SLX4: variants seen among roughly 807,000 people sequenced by gnomAD.
SLX4 encodes SLX4 structure-specific endonuclease subunit.
SLX4 carries 112 observed loss-of-function variants against 146.2 expected under a neutral mutation model. The ratio of observed to expected loss-of-function variants is 0.77; its 90% confidence interval spans 0.66 to 0.90. SLX4 has a LOEUF of 0.90. Among genes scored for constraint, SLX4 ranks in the 40% least tolerant of loss-of-function variants. The pLI, the probability that SLX4 is intolerant of heterozygous loss-of-function variation, is 0.00. For synonymous variants in SLX4, 1,061 were observed against 997.7 expected (o/e 1.06, Z -1.20); for missense variants, 2,563 against 2,392.7 (o/e 1.07, Z -1.49).
chr16:3,603,003 T>C (rs1488967610), intron 3 of SLX4, among the ~76,000 whole-genome samples: 2 of 152,334 alleles, frequency 1.3e-5, no homozygotes. Flanking sequence ...TACCAGTGCC[T>C]GCCACTGAGG....
chr16:3,595,258 G>A (rs1026122918), intron 9 of SLX4, among the ~76,000 whole-genome samples: 35 of 152,374 alleles, frequency 2.3e-4, no homozygotes, highest in African/African-American at 8.2e-4. Flanking sequence ...GGAACGAGCA[G>A]AGCGTGCCTG....
intron 14 of SLX4, 87 bp from the exon 15 acceptor site, chr16:3,582,780 T>C (rs1368375915): frequency 9.5e-6 from 12 of 1,260,726 alleles, no homozygotes; most frequent in Non-Finnish European, 1.1e-6. Context: ...GGAAGGTGTC[T>C]ACGGGTCCCA....
intron 12 of SLX4, 40 bp from the exon 13 acceptor site, chr16:3,584,911 A>AAATCCGTGTCCCTCATG: frequency 7.2e-7 from 1 of 1,396,312 alleles, no homozygotes; most frequent in Non-Finnish European, 1.0e-6. Context: ...AGCATGAGGG[A>AAATCCGTGTCCCTCATG]CACGGATTTC....
intron 12 of SLX4, among the ~76,000 whole-genome samples, chr16:3,585,413 C>T (rs1175308840): frequency 2.6e-5 from 4 of 151,926 alleles, no homozygotes; most frequent in Non-Finnish European, 4.4e-5. Flanking sequence ...GGTGAAACCC[C>T]GTCTCTATTA....
At chr16:3,584,076 C>T (rs1043056903) in intron 13 of SLX4, among the ~76,000 whole-genome samples, 3 of 151,828 alleles carry the variant, frequency 2.0e-5, no homozygotes, top group African/African-American at 4.8e-5. Flanking sequence ...CCCGGGTGCC[C>T]GAGTGGAAGA....
Position 3,590,486 on chromosome 16 carries a change from G to T in SLX4, c.3152C>A (p.Thr1051Lys). ...QGGSPRGSHH[T>K]SGSSLSTPRS... ...GGGTGTTGACAGGGACGACCCACTT[G>T]TGTGATGAGACCCGCGGGGACTCCC... Residue 1051 changes from threonine to lysine, a missense_variant, in exon 12 of 15, where the codon ACA becomes AAA. Coordinates refer to ENST00000294008, the MANE Select transcript of SLX4 (RefSeq NM_032444.4). This position sits in a 1 kb window ranked among gnomAD's most constrained non-coding sequence, Gnocchi z 4.8. 1 of 1,614,076 alleles carries T rather than the reference G, an allele frequency of 6.2e-7. No individual in the cohort carries two copies. The highest frequency in any genetic ancestry group is 8.5e-7 in the Non-Finnish European group (1 of 1,179,944).
chr16:3,611,193 G>A (rs2040864929), intron 1 of SLX4, among the ~76,000 whole-genome samples: 1 of 152,212 alleles, frequency 6.6e-6, no homozygotes, highest in African/African-American at 2.4e-5. Context: ...GGACCCTCCC[G>A]CTTCCCCCAA....
At chr16:3,596,567 GC>G (rs1272708982) in intron 7 of SLX4, among the ~76,000 whole-genome samples, 174 bp from the exon 8 acceptor site, 1 of 152,252 alleles carries the variant, frequency 6.6e-6, no homozygotes, top group Non-Finnish European at 1.5e-5. Context: ...GTCCTGGGAT[GC>G]TTTTCCCCAG....
chr16:3,585,603 A>AG (rs1196849188), intron 12 of SLX4, among the ~76,000 whole-genome samples: 1 of 139,700 alleles, frequency 7.2e-6, no homozygotes, highest in Admixed American at 7.1e-5. Context: ...AAAAAAAAAA[A>AG]GGGCAAAGGA....
In SLX4 at chr16:3,590,674, TGAG is replaced by T; in HGVS notation, c.2961_2963del (p.Phe987_Ser988delinsLeu). ...GCTCTGAGATCTCTCCCTGAGTTGA[TGAG>T]AAGAGCTGTTCGTAATCCCCGGCAT... is the stretch of plus-strand genomic sequence containing the variant. On this transcript the variant is annotated inframe_deletion, in exon 12 of 15. Coordinates refer to ENST00000294008, the MANE Select transcript of SLX4 (RefSeq NM_032444.4). The surrounding 1 kb of genome is among the most constrained non-coding windows in gnomAD (Gnocchi z 4.8). 1 of 1,613,994 alleles carries T rather than the reference TGAG, an allele frequency of 6.2e-7. No homozygotes were observed. The highest frequency in any genetic ancestry group is 8.5e-7 in the Non-Finnish European group (1 of 1,179,850).
intron 3 of SLX4, among the ~76,000 whole-genome samples, chr16:3,605,946 CAAAAAAAAAA>C (rs1181232820): frequency 1.5e-4 from 4 of 27,014 alleles, no homozygotes; most frequent in African/African-American, 6.1e-4. Context: ...GACTCCATCT[CAAAAAAAAAA>C]AAAAAAAAAA....
At chr16:3,596,676 T>G (rs2040663463) in intron 7 of SLX4, among the ~76,000 whole-genome samples, 1 of 152,240 alleles carries the variant, frequency 6.6e-6, no homozygotes, top group Admixed American at 6.5e-5. Flanking sequence ...GGCCCAGGCC[T>G]GCCGCCCTCC....
At chr16:3,594,656 G>C in intron 9 of SLX4, 57 bp from the exon 10 acceptor site, 1 of 1,611,116 alleles carries the variant, frequency 6.2e-7, no homozygotes, top group Non-Finnish European at 8.5e-7. Flanking sequence ...TGCTAACTGG[G>C]CAGTGGGAAG....
chr16:3,602,531 TTACCTGGG>T (rs1212180491), intron 3 of SLX4, among the ~76,000 whole-genome samples: 1 of 152,198 alleles, frequency 6.6e-6, no homozygotes, highest in African/African-American at 2.4e-5. Flanking sequence ...TGGATATGCA[TTACCTGGG>T]AAGCTTGTCG....
rs930891450 is a variant in SLX4 at position 3,602,108 on chromosome 16, C to T, written c.950+10G>A. ...TACACGGGAGAGGCGACGGCCCAAG[C>T]TGCCCCCACCTGTTCACATGCTGTT... On this transcript the variant is annotated intron_variant, in intron 4 of 14. Transcript: ENST00000294008. 7 of 1,613,986 alleles carry T rather than the reference C, an allele frequency of 4.3e-6. No individual in the cohort carries two copies. Among genetic ancestry groups the T allele is most frequent in the Non-Finnish European group, 4.2e-6 (5 of 1,180,030 alleles).
intron 3 of SLX4, 51 bp downstream of exon 3, chr16:3,606,423 G>A (rs1398207319): frequency 6.3e-7 from 1 of 1,590,892 alleles, no homozygotes; most frequent in East Asian, 2.2e-5. Context: ...CCCTTCCTCA[G>A]AGTTGTATTA....
chr16:3,592,334 CTCTGGAA>C (rs1195278077), intron 11 of SLX4, among the ~76,000 whole-genome samples: 2 of 152,240 alleles, frequency 1.3e-5, no homozygotes, highest in Non-Finnish European at 2.9e-5. Flanking sequence ...TTTTATGGGA[CTCTGGAA>C]AGGACTGCTG....
At chr16:3,596,094 G>T in intron 8 of SLX4, 59 bp downstream of exon 8, 1 of 1,526,438 alleles carries the variant, frequency 6.6e-7, no homozygotes. Context: ...AGCCTCAGCC[G>T]CGGGGAGGGG....
At chr16:3,596,108 C>A in intron 8 of SLX4, 45 bp downstream of exon 8, 2 of 1,535,718 alleles carry the variant, frequency 1.3e-6, no homozygotes, top group Non-Finnish European at 1.7e-6. Flanking sequence ...GGAGGGGAGG[C>A]CCGGGAGGGC....
Sources: gnomAD v4.1 joint callset for allele counts (sites outside exome capture counted in the v4.1 genomes callset) on GRCh38, gnomAD v4.1.1 for gene constraint, Gnocchi (gnomAD v3.1) non-coding constraint, MANE v1.5 for transcripts, NCBI Gene and HGNC (gene_info 2026-07-23, HGNC 2026-07-21) for gene names.